CACNA1G: variants seen among roughly 807,000 people sequenced by gnomAD.
CACNA1G encodes voltage-dependent T-type calcium channel subunit alpha-1G.
A neutral mutation model predicts 219.4 loss-of-function variants in CACNA1G; 67 were observed. The observed-to-expected ratio is 0.31, with a 90% CI of 0.25 to 0.37. CACNA1G has a LOEUF of 0.37. Ranked by LOEUF, CACNA1G falls within the 10% of genes least tolerant of loss-of-function variation. CACNA1G has a pLI of 1.00. For synonymous variants in CACNA1G, 1,296 were observed against 1,345.3 expected (o/e 0.96, Z 0.80); for missense variants, 2,380 against 3,231.4 (o/e 0.74, Z 6.39).
At position 50,594,981 on chromosome 17, in the gene CACNA1G, C is replaced by G. The variant is rs950810148; in HGVS notation, c.2911-12C>G. On this transcript the variant is annotated splice_polypyrimidine_tract_variant and intron_variant, in intron 13 of 37. Coordinates refer to ENST00000359106, the MANE Select transcript of CACNA1G (RefSeq NM_018896.5). ...ACCAGCAGCCCTCCCCTGCCTCCCCCTTTCCCTGTAGGAAATCAGCAAACG... is the reference window on the plus strand; with the variant it reads ...ACCAGCAGCCCTCCCCTGCCTCCCCGTTTCCCTGTAGGAAATCAGCAAACG... The G allele has an allele frequency of 6.4e-7, 1 of 1,552,138 alleles. No individual in the cohort carries two copies.
At chr17:50,597,770 G>C (rs1478942070) in intron 16 of CACNA1G, among the ~76,000 whole-genome samples, 1 of 152,118 alleles carries the variant, frequency 6.6e-6, no homozygotes, top group Non-Finnish European at 1.5e-5. Flanking sequence ...GTATCCTTTG[G>C]CTAAGCCTTC....
At position 50,599,762 on chromosome 17, in the gene CACNA1G, A is replaced by G. The variant is rs1210277741; in HGVS notation, c.3593A>G (p.Asp1198Gly). 1 of 1,613,598 alleles carries G rather than the reference A, an allele frequency of 6.2e-7. No homozygotes were observed. The highest frequency in any genetic ancestry group is 8.5e-7 in the Non-Finnish European group (1 of 1,179,838). ...SGRGSASEHQ[D>G]CNGKSASGRL... Reference sequence around the variant, plus strand: ...CGAGGGTCTGCTTCTGAGCACCAGGACTGCAATGGCAAGTCGGCTTCAGGG... The same window carrying G: ...CGAGGGTCTGCTTCTGAGCACCAGGGCTGCAATGGCAAGTCGGCTTCAGGG... The change falls in exon 17 of 38, where the codon GAC becomes GGC. Residue 1198 changes from aspartate to glycine, a missense_variant. Transcript: ENST00000359106.
Position 50,561,211 on chromosome 17 carries a change from A to C in CACNA1G, c.-249A>C. Reference sequence around the variant, plus strand: ...GGGGAGCCGGCCGGCTGGCCCGGGAAGCCCCAGGGGCGCAGGGGAAGCGGG... The same window carrying C: ...GGGGAGCCGGCCGGCTGGCCCGGGACGCCCCAGGGGCGCAGGGGAAGCGGG... On this transcript the variant is annotated 5_prime_UTR_variant, in exon 1 of 38. Transcript: ENST00000359106. 10 of 556,956 alleles carry C rather than the reference A, an allele frequency of 1.8e-5. No homozygotes were observed. Among genetic ancestry groups the C allele is most frequent in the Non-Finnish European group, 1.9e-5 (6 of 308,244 alleles). 34.5% of individuals were successfully genotyped at this position (556,956 alleles called of 1,614,324 possible).
chr17:50,621,894 TC>T lies in CACNA1G; in HGVS notation c.6060+101del. 7.5e-7 allele frequency: 1 copy of T among 1,327,602 alleles called. No individual in the cohort carries two copies. The highest frequency in any genetic ancestry group is 1.4e-5 in the African/African-American group (1 of 69,256). The allele number at this position is 1,327,602 out of a possible 1,614,324, so 82.2% of individuals were successfully genotyped here. On this transcript the variant is annotated intron_variant, in intron 35 of 37. Transcript: ENST00000359106. This position sits in a 1 kb window ranked among gnomAD's most constrained non-coding sequence, Gnocchi z 4.6. ...GGGAGGGTCCTGGGGCCGCCTCCTC[TC>T]AGTTTGCTGCCAGGCTCCACCCAGA...
intron 4 of CACNA1G, among the ~76,000 whole-genome samples, chr17:50,570,105 G>A (rs1416786667): frequency 6.6e-6 from 1 of 152,118 alleles, no homozygotes; most frequent in Non-Finnish European, 1.5e-5. Context: ...AGGGGTGTGG[G>A]GACTGGAGAG....
rs1326523232 is a variant in CACNA1G, at chr17:50,589,912, C to CTCTCTCTCTGTG, written c.2302-558_2302-557insCTCTCTCTGTGT. 5.6e-3 allele frequency among the ~76,000 whole-genome samples: 794 copies of CTCTCTCTCTGTG among 141,874 alleles called. 10 individuals are homozygous for CTCTCTCTCTGTG. Among genetic ancestry groups the CTCTCTCTCTGTG allele is most frequent in the African/African-American group, 0.021 (733 of 35,218 alleles). 93.1% of individuals were successfully genotyped at this position (141,874 alleles called of 152,430 possible). On this transcript the variant is annotated intron_variant, in intron 9 of 37. Coordinates refer to ENST00000359106, the MANE Select transcript of CACNA1G (RefSeq NM_018896.5). ...TGCATTTTTCTCTCTCTCTCTCTCT[C>CTCTCTCTCTGTG]TGTGTGTGTGTGTGTGTGTGTGTGT...
chr17:50,606,816 C>A (rs974730337), intron 23 of CACNA1G, 84 bp from the exon 24 acceptor site: 2 of 939,984 alleles, frequency 2.1e-6, no homozygotes, highest in South Asian at 1.4e-5. Context: ...GGAGCTGATG[C>A]AGGAGGCACT....
intron 26 of CACNA1G, among the ~76,000 whole-genome samples, chr17:50,610,995 C>T (rs944105920): frequency 2.6e-5 from 4 of 152,128 alleles, no homozygotes; most frequent in Admixed American, 1.3e-4. Context: ...GTGGCTCACA[C>T]CTGTAATCCC....
In CACNA1G at chr17:50,576,075, A is replaced by G; in HGVS notation, c.1673A>G (p.His558Arg). Reference sequence around the variant, plus strand: ...GCAGAGTCTGTGCACAGCTTCTACCATGCCGACTGCCACTTAGAGCCAGTC... The same window carrying G: ...GCAGAGTCTGTGCACAGCTTCTACCGTGCCGACTGCCACTTAGAGCCAGTC... ...GGAESVHSFY[H>R]ADCHLEPVRC... The change falls in exon 8 of 38, where the codon CAT becomes CGT. Residue 558 changes from histidine to arginine, a missense_variant. This residue lies in a region of CACNA1G where 434 missense variants were observed against 417.3 expected (regional missense o/e 1.04). Transcript: ENST00000359106. The G allele has an allele frequency of 1.3e-6, 2 of 1,587,604 alleles. No individual in the cohort carries two copies. The highest frequency in any genetic ancestry group is 1.7e-6 in the Non-Finnish European group (2 of 1,168,276).
At chr17:50,591,348 G>A in intron 10 of CACNA1G, 87 bp from the exon 11 acceptor site, 1 of 1,326,076 alleles carries the variant, frequency 7.5e-7, no homozygotes, top group Non-Finnish European at 1.0e-6. Context: ...ACCCAGCCAG[G>A]CCCTTGGGTG....
In CACNA1G at chr17:50,578,701, G is replaced by C; in HGVS notation, c.2301+137G>C. 1.2e-6 allele frequency: 1 copy of C among 852,846 alleles called. No individual in the cohort carries two copies. 52.8% of individuals were successfully genotyped at this position (852,846 alleles called of 1,614,324 possible). ...CTAGCCCACCTGGCAGGTAGGAGGG[G>C]AGGTGGGTGATGGAGCAATGCATGG... On this transcript the variant is annotated intron_variant, in intron 9 of 37. Coordinates refer to ENST00000359106, the MANE Select transcript of CACNA1G (RefSeq NM_018896.5). The surrounding 1 kb of genome is among the most constrained non-coding windows in gnomAD (Gnocchi z 4.5).
chr17:50,624,011 G>C lies in CACNA1G; in HGVS notation c.6165G>C (p.Arg2055=), dbSNP rs747813078. The change falls in exon 36 of 38, where the codon CGG becomes CGC. Residue 2055 remains arginine, a synonymous_variant. Coordinates refer to ENST00000359106, the MANE Select transcript of CACNA1G (RefSeq NM_018896.5). ...HSLPNDSYMC[R]HGSTAEGPLG... The stretch of plus-strand genomic sequence containing the variant: ...TGCCCAATGACAGCTACATGTGTCG[G>C]CATGGGAGCACTGCCGAGGGGCCCC... The C allele has an allele frequency of 6.2e-7, 1 of 1,613,142 alleles. No homozygotes were observed. The highest frequency in any genetic ancestry group is 8.5e-7 in the Non-Finnish European group (1 of 1,179,832).
At chr17:50,593,689 G>A (rs575015214) in intron 13 of CACNA1G, among the ~76,000 whole-genome samples, 1 of 152,366 alleles carries the variant, frequency 6.6e-6, no homozygotes, top group East Asian at 1.9e-4. Context: ...CCCAACCTTC[G>A]CAGTATCAGG....
intron 27 of CACNA1G, 30 bp from the exon 28 acceptor site, chr17:50,616,245 G>T: frequency 7.1e-7 from 1 of 1,406,202 alleles, no homozygotes; most frequent in South Asian, 1.2e-5. Flanking sequence ...GGCCTTAAGG[G>T]ACCCTGCATC....
At position 50,603,247 on chromosome 17, in the gene CACNA1G, C is replaced by T. The variant is rs555407608; in HGVS notation, c.4169+48C>T. On this transcript the variant is annotated intron_variant, in intron 21 of 37. Coordinates refer to ENST00000359106, the MANE Select transcript of CACNA1G (RefSeq NM_018896.5). This position sits in a 1 kb window ranked among gnomAD's most constrained non-coding sequence, Gnocchi z 6.4. Reference sequence around the variant, plus strand: ...AACACCTCCAAGAGGTGGCCCCCTCCGCAGGGACATCTCCCACCGCCAGCA... The same window carrying T: ...AACACCTCCAAGAGGTGGCCCCCTCTGCAGGGACATCTCCCACCGCCAGCA... 61 of 1,512,144 alleles carry T rather than the reference C, an allele frequency of 4.0e-5. No homozygotes were observed. The highest frequency in any genetic ancestry group is 7.0e-5 in the South Asian group (6 of 85,814). The allele number at this position is 1,512,144 out of a possible 1,614,324, so 93.7% of individuals were successfully genotyped here. A position where few individuals can be genotyped will look rare whatever the true frequency, so the allele number is the denominator to read the frequency against.
In CACNA1G at chr17:50,621,400, C is replaced by T. The variant is rs562663577; in HGVS notation, c.5926-260C>T. 3.3e-5 allele frequency among the ~76,000 whole-genome samples: 5 copies of T among 152,166 alleles called. No individual in the cohort carries two copies. Among genetic ancestry groups the T allele is most frequent in the South Asian group, 2.1e-4 (1 of 4,824 alleles). ...TTTAGAATGCGTTTCTGTGTCTCCT[C>T]GCTTTGTCAGTGTTTGCTCTGGCTC... On this transcript the variant is annotated intron_variant, in intron 34 of 37. Coordinates refer to ENST00000359106, the MANE Select transcript of CACNA1G (RefSeq NM_018896.5). The surrounding 1 kb of genome is among the most constrained non-coding windows in gnomAD (Gnocchi z 4.6).
At chr17:50,569,639 A>T (rs1239386103) in intron 3 of CACNA1G, 67 bp from the exon 4 acceptor site, 11 of 1,118,940 alleles carry the variant, frequency 9.8e-6, no homozygotes, top group Admixed American at 2.0e-5. Context: ...AGGATTCCTC[A>T]TTGACCTCTT....
chr17:50,578,061 C>A lies in CACNA1G; in HGVS notation c.1925-127C>A. The A allele has an allele frequency of 8.6e-7, 1 of 1,159,480 alleles. No individual in the cohort carries two copies. Among genetic ancestry groups the A allele is most frequent in the Non-Finnish European group, 1.2e-6 (1 of 853,408 alleles). 71.8% of individuals were successfully genotyped at this position (1,159,480 alleles called of 1,614,324 possible). A position where few individuals can be genotyped will look rare whatever the true frequency, so the allele number is the denominator to read the frequency against. ...CCTGACATTCAGCACCCCTGGCCCA[C>A]TAAGTGCCTAGCACCCCATCACTGT... On this transcript the variant is annotated intron_variant, in intron 8 of 37. Transcript: ENST00000359106. This position sits in a 1 kb window ranked among gnomAD's most constrained non-coding sequence, Gnocchi z 4.5.
At chr17:50,566,395 C>T (rs1304991385) in intron 1 of CACNA1G, among the ~76,000 whole-genome samples, 1 of 151,480 alleles carries the variant, frequency 6.6e-6, no homozygotes, top group Non-Finnish European at 1.5e-5. Context: ...GCTTACGTGT[C>T]GTGGAAGGAG....
Sources: allele counts gnomAD v4.1 joint callset (sites outside exome capture counted in the v4.1 genomes callset), GRCh38; gene constraint gnomAD v4.1.1; regional missense constraint gnomAD v4.1.1; non-coding constraint Gnocchi (gnomAD v3.1); transcripts MANE v1.5; gene names NCBI Gene and HGNC (gene_info 2026-07-23, HGNC 2026-07-21).